Variants in MICALL2 observed in about 807,000 individuals in gnomAD.
MICALL2 encodes the protein MICAL-like protein 2.
MICALL2 carries 111 observed loss-of-function variants against 91.1 expected under a neutral mutation model. The observed-to-expected ratio is 1.22, with a 90% CI of 1.04 to 1.43. MICALL2 has a LOEUF of 1.43. MICALL2 is among the 40% of genes most tolerant of loss of function. The pLI is 0.00. For synonymous variants in MICALL2, 694 were observed against 525.3 expected (o/e 1.32, Z -4.39); for missense variants, 1,556 against 1,236.0 (o/e 1.26, Z -3.88).
chr7:1,449,746 T>C (rs1780752973), intron 2 of MICALL2, among the ~76,000 whole-genome samples: 1 of 152,126 alleles, frequency 6.6e-6, no homozygotes, highest in African/African-American at 2.4e-5. Flanking sequence ...CGAGGGAGCG[T>C]GGTGCTTATT....
Position 1,438,634 on chromosome 7 carries a change from T to C in MICALL2, c.2122+206A>G, listed in dbSNP as rs1334499780. On this transcript the variant is annotated intron_variant, in intron 10 of 16. Coordinates refer to ENST00000297508, the MANE Select transcript of MICALL2 (RefSeq NM_182924.4). ...AGAAGCAGACATTCCATCATCACCA[T>C]GAGTCTGTAACAAGGTACTCTGAAA... The C allele has an allele frequency of 1.1e-5, 16 of 1,421,658 alleles. No individual in the cohort carries two copies. The South Asian group carries it at 1.7e-4, about 15-fold the overall frequency. 88.1% of individuals were successfully genotyped at this position (1,421,658 alleles called of 1,614,324 possible).
At chr7:1,446,106 C>A (rs942952535) in intron 5 of MICALL2, among the ~76,000 whole-genome samples, 1 of 126,220 alleles carries the variant, frequency 7.9e-6, no homozygotes, top group Non-Finnish European at 1.7e-5. Flanking sequence ...TGTCTGGGAA[C>A]AGTAGAACAT....
intron 1 of MICALL2, among the ~76,000 whole-genome samples, chr7:1,457,986 G>A (rs1781078677): frequency 6.6e-6 from 1 of 152,276 alleles, no homozygotes; most frequent in East Asian, 1.9e-4. Context: ...CTTGTGCCCA[G>A]CATCTTCTGC....
rs572608930 is a variant in MICALL2 at position 1,452,097 on chromosome 7, C to A, written c.144-1809G>T. On this transcript the variant is annotated intron_variant, in intron 1 of 16. Coordinates refer to ENST00000297508, the MANE Select transcript of MICALL2 (RefSeq NM_182924.4). The surrounding 1 kb of genome is among the most constrained non-coding windows in gnomAD (Gnocchi z 6.2). Reference sequence around the variant, plus strand: ...GCTGGGATCCTTGGGAACCCTCCACCGTTTCCAGCTTGGACCCCCTCCCAG... The same window carrying A: ...GCTGGGATCCTTGGGAACCCTCCACAGTTTCCAGCTTGGACCCCCTCCCAG... 6.6e-6 allele frequency among the ~76,000 whole-genome samples: 1 copy of A among 152,182 alleles called. No homozygotes were observed. Among genetic ancestry groups the A allele is most frequent in the East Asian group, 1.9e-4 (1 of 5,200 alleles).
chr7:1,440,799 C>A, intron 7 of MICALL2, 115 bp from the exon 8 acceptor site: 1 of 856,282 alleles, frequency 1.2e-6, no homozygotes, highest in Non-Finnish European at 1.9e-6. Context: ...CCCTCAGACA[C>A]CCCCACAGCC....
At chr7:1,445,528 C>T in intron 5 of MICALL2, 100 bp from the exon 6 acceptor site, 2 of 1,212,662 alleles carry the variant, frequency 1.6e-6, no homozygotes, top group Non-Finnish European at 2.2e-6. Flanking sequence ...CTCCTGTGTC[C>T]ACTTGCGAGG....
At chr7:1,450,104 C>A in intron 2 of MICALL2, 136 bp downstream of exon 2, 1 of 713,386 alleles carries the variant, frequency 1.4e-6, no homozygotes. Flanking sequence ...CCGGGCTGGT[C>A]AGGGAGCCCC....
rs1252354164 is a variant in MICALL2 at position 1,438,841 on chromosome 7, T to C, written c.2121A>G (p.Pro707=). The C allele has an allele frequency of 6.2e-7, 1 of 1,600,984 alleles. No individual in the cohort carries two copies. The highest frequency in any genetic ancestry group is 8.5e-7 in the Non-Finnish European group (1 of 1,171,836). Residue 707 remains proline (P), a splice_region_variant and synonymous_variant, in exon 10 of 17, where the codon CCA becomes CCG. Transcript: ENST00000297508. ...EEKKPHLQGK[P]GRPLSPANVP... Reference sequence around the variant, plus strand: ...AGCAGCGGTGTCTCTGGGGCTGACCTGGTTTGCCCTGAAGGTGAGGTTTCT... The same window carrying C: ...AGCAGCGGTGTCTCTGGGGCTGACCCGGTTTGCCCTGAAGGTGAGGTTTCT...
chr7:1,447,039 C>T (rs1463651057), intron 4 of MICALL2, among the ~76,000 whole-genome samples: 1 of 152,124 alleles, frequency 6.6e-6, no homozygotes, highest in African/African-American at 2.4e-5. Flanking sequence ...AGCTGAGGCC[C>T]GATGCTAGTG....
rs1002136235 is a variant in MICALL2 at position 1,447,674 on chromosome 7, G to C, written c.426C>G (p.Pro142=). The C allele has an allele frequency of 2.5e-6, 4 of 1,585,674 alleles. No individual in the cohort carries two copies. Among genetic ancestry groups the C allele is most frequent in the Middle Eastern group, 1.7e-4 (1 of 5,926 alleles). ...GAGGCTTCCGGGCTGGGGCGGGCGAGGGCAGCTTGGCCGCCTGGACTGGAG... is the reference window on the plus strand; with the variant it reads ...GAGGCTTCCGGGCTGGGGCGGGCGACGGCAGCTTGGCCGCCTGGACTGGAG... ...KKAPVQAAKL[P]SPAPARKPPL... is the part of the protein sequence containing the mutation. The change falls in exon 4 of 17, where the codon CCC becomes CCG. Residue 142 remains proline (P), a synonymous_variant. Coordinates refer to ENST00000297508, the MANE Select transcript of MICALL2 (RefSeq NM_182924.4).
chr7:1,447,695 T>C lies in MICALL2; in HGVS notation c.405A>G (p.Pro135=). The change falls in exon 4 of 17, where the codon CCA becomes CCG. Residue 135 remains proline (P), a synonymous_variant. Coordinates refer to ENST00000297508, the MANE Select transcript of MICALL2 (RefSeq NM_182924.4). ...GCGAGGGCAGCTTGGCCGCCTGGAC[T>C]GGAGCCTTCTTCCCTGACGGCTCCT... ...SEEEPSGKKA[P]VQAAKLPSPA... is the part of the protein sequence containing the mutation. The C allele has an allele frequency of 1.9e-6, 3 of 1,580,554 alleles. No individual in the cohort carries two copies. The highest frequency in any genetic ancestry group is 2.6e-6 in the Non-Finnish European group (3 of 1,164,072).
In MICALL2 at chr7:1,459,386, C is replaced by A. The variant is rs1410050788; in HGVS notation, c.-60G>T. On this transcript the variant is annotated 5_prime_UTR_variant, in exon 1 of 17. Coordinates refer to ENST00000297508, the MANE Select transcript of MICALL2 (RefSeq NM_182924.4). ...CTCCGACACCTTCCCGCGGCTGTGC[C>A]GCGACCGCCCGGCCGGCGGGACAGA... The A allele has an allele frequency of 5.2e-6, 7 of 1,358,610 alleles. No individual in the cohort carries two copies. Among genetic ancestry groups the A allele is most frequent in the Non-Finnish European group, 2.8e-6 (3 of 1,053,962 alleles). 84.2% of individuals were successfully genotyped at this position (1,358,610 alleles called of 1,614,324 possible).
In MICALL2 at chr7:1,443,920, A is replaced by AGGCACAGGCAGGCGCCG. The variant is rs1479258931; in HGVS notation, c.1418+715_1418+731dup. Among the ~76,000 whole-genome samples the AGGCACAGGCAGGCGCCG allele has an allele frequency of 4.9e-4, 75 of 152,260 alleles. 1 individual carries two copies. The highest frequency in any genetic ancestry group is 3.7e-3 in the Admixed American group (57 of 15,288). On this transcript the variant is annotated intron_variant, in intron 6 of 16. Transcript: ENST00000297508. ...CGTCCACGTCATCTGCTCAGGGTCC[A>AGGCACAGGCAGGCGCCG]GGCACAGGCAGGCGCCGGGCCCAGG... is the stretch of plus-strand genomic sequence containing the variant.
At position 1,451,389 on chromosome 7, in the gene MICALL2, G is replaced by A. The variant is rs566434919; in HGVS notation, c.144-1101C>T. ...TTGGTTAAATCATGATCTGGAAGCC[G>A]GGTGCAGTGGCTCACACCTGTAGTC... On this transcript the variant is annotated intron_variant, in intron 1 of 16. Coordinates refer to ENST00000297508, the MANE Select transcript of MICALL2 (RefSeq NM_182924.4). This position sits in a 1 kb window ranked among gnomAD's most constrained non-coding sequence, Gnocchi z 4.5. Among the ~76,000 whole-genome samples, 4 of 152,280 alleles carry A rather than the reference G, an allele frequency of 2.6e-5. No homozygotes were observed. The highest frequency in any genetic ancestry group is 1.3e-4 in the Admixed American group (2 of 15,304).
In MICALL2 at chr7:1,444,786, G is replaced by A. The variant is rs747988091; in HGVS notation, c.1284C>T (p.Pro428=). The A allele has an allele frequency of 1.6e-5, 26 of 1,610,874 alleles. No individual in the cohort carries two copies. The highest frequency in any genetic ancestry group is 1.6e-4 in the Middle Eastern group (1 of 6,070). The change falls in exon 6 of 17, where the codon CCC becomes CCT. Residue 428 remains proline, a synonymous_variant. Transcript: ENST00000297508. ...NKFFQTSAVP[P]GTSLSGRGPT... ...GACCTCTGCCAGAAAGGCTGGTGCC[G>A]GGGGGCACTGCTGATGTTTGGAAAA...
At position 1,445,226 on chromosome 7, in the gene MICALL2, C is replaced by G. The variant is rs377052951; in HGVS notation, c.844G>C (p.Ala282Pro). Residue 282 changes from alanine to proline, a missense_variant, in exon 6 of 17, where the codon GCC (alanine) becomes CCC (proline). Transcript: ENST00000297508. ...GCAGGCTCCCAGGCCGACGGTCTGG[C>G]CTTGTTTGCCTCCTGGGCCTTCTGT... ...SPQKAQEANK[A>P]RPSAWEPAAG... 6.2e-7 allele frequency: 1 copy of G among 1,610,728 alleles called. No individual in the cohort carries two copies. The highest frequency in any genetic ancestry group is 8.5e-7 in the Non-Finnish European group (1 of 1,179,214).
chr7:1,437,186 G>C, intron 14 of MICALL2: 1 of 484,662 alleles, frequency 2.1e-6, no homozygotes, highest in South Asian at 3.1e-5. Context: ...CCTCAGCCAG[G>C]GCACCCTGCA....
In MICALL2 at chr7:1,438,920, C is replaced by A. The variant is rs774776742; in HGVS notation, c.2042G>T (p.Arg681Leu). The change falls in exon 10 of 17, where the codon CGG (arginine) becomes CTG (leucine). Residue 681 changes from arginine (R) to leucine (L), a missense_variant. Physicochemically the swap from Arg to Leu is moderately radical, Grantham distance 102 (BLOSUM62 -2). Coordinates refer to ENST00000297508, the MANE Select transcript of MICALL2 (RefSeq NM_182924.4). The part of the protein sequence containing the change: ...ASLDVCDNWL[R>L]PEPPGQEARV... ...GGCTTCCTGGCCAGGGGGCTCCGGC[C>A]GAAGCCAGTTGTCACAAACGTCGAG... The A allele has an allele frequency of 1.2e-6, 2 of 1,608,648 alleles. No individual in the cohort carries two copies. Among genetic ancestry groups the A allele is most frequent in the South Asian group, 1.1e-5 (1 of 91,076 alleles).
chr7:1,445,318 T>C lies in MICALL2; in HGVS notation c.752A>G (p.Lys251Arg), dbSNP rs766727707. Residue 251 changes from lysine (K) to arginine (R), a missense_variant, in exon 6 of 17, where the codon AAG becomes AGG. By Grantham distance (26) the Lys-to-Arg change is conservative. Transcript: ENST00000297508. ...CTGTCGGGGGACCAGACCCGTCAAC[T>C]TGGGGCTTGCAGAGGCGGCTGCGGG... ...HLPAAASASP[K>R]LTGLVPRQPG... 1.6e-5 allele frequency: 26 copies of C among 1,611,044 alleles called. No individual in the cohort carries two copies. In the East Asian group the frequency reaches 2.2e-4, roughly 14 times the overall value.
Sources: allele counts gnomAD v4.1 joint callset (sites outside exome capture counted in the v4.1 genomes callset), GRCh38; gene constraint gnomAD v4.1.1; non-coding constraint Gnocchi (gnomAD v3.1); transcripts MANE v1.5; gene names NCBI Gene and HGNC (gene_info 2026-07-23, HGNC 2026-07-21).